CLYBL: variants seen among roughly 807,000 people sequenced by gnomAD.
CLYBL encodes citramalyl-CoA lyase.
In CLYBL, 31 loss-of-function variants were observed where a neutral mutation model predicts 38.9. That is an observed-to-expected ratio of 0.80 (90% CI 0.60 to 1.08). The LOEUF (loss-of-function observed/expected upper bound fraction) is 1.08, where lower values mean the gene tolerates loss of function less well. Ranked by LOEUF, CLYBL falls within the 50% of genes least tolerant of loss-of-function variation. The probability of loss-of-function intolerance (pLI) is 0.00; values close to 1 mark genes in which losing one functional copy is unlikely to be tolerated. For synonymous variants in CLYBL, 171 were observed against 158.6 expected (o/e 1.08, Z -0.59); for missense variants, 434 against 411.6 (o/e 1.05, Z -0.47).
chr13:99,621,371 A>G (rs1176765459), intron 1 of CLYBL, among the ~76,000 whole-genome samples: 1 of 151,870 alleles, frequency 6.6e-6, no homozygotes, highest in Admixed American at 6.6e-5. Context: ...CATCAGTGCC[A>G]CTTCCTCCTG....
intron 1 of CLYBL, among the ~76,000 whole-genome samples, chr13:99,656,995 T>G (rs1308568322): frequency 6.6e-6 from 1 of 152,192 alleles, no homozygotes; most frequent in African/African-American, 2.4e-5. Context: ...AAATGAAAAT[T>G]AATTTCTATA....
chr13:99,837,429 G>A (rs2050964644), intron 2 of CLYBL, among the ~76,000 whole-genome samples: 2 of 152,154 alleles, frequency 1.3e-5, no homozygotes, highest in African/African-American at 4.8e-5. Flanking sequence ...TCCAGCCTGG[G>A]TGACAGAGCG....
chr13:99,615,465 A>AT (rs1177126855), intron 1 of CLYBL, among the ~76,000 whole-genome samples: 6 of 152,266 alleles, frequency 3.9e-5, no homozygotes, highest in East Asian at 3.9e-4. Flanking sequence ...TAAAAACAAC[A>AT]TTTTTTTCTA....
intron 1 of CLYBL, among the ~76,000 whole-genome samples, chr13:99,731,652 A>G (rs2048593246): frequency 6.6e-6 from 1 of 152,180 alleles, no homozygotes; most frequent in Non-Finnish European, 1.5e-5. Context: ...CAGAGTAGAC[A>G]GAGGCGGAGG....
intron 1 of CLYBL, among the ~76,000 whole-genome samples, chr13:99,729,860 G>A (rs527957108): frequency 0.015 from 2,295 of 148,856 alleles, 23 homozygotes; most frequent in Non-Finnish European, 0.025. Flanking sequence ...CCTTCCCCCC[G>A]CCAGCCTCGG....
chr13:99,677,289 T>A (rs1040452027), intron 1 of CLYBL, among the ~76,000 whole-genome samples: 1 of 150,822 alleles, frequency 6.6e-6, no homozygotes, highest in Admixed American at 6.6e-5. Context: ...CTCTCCAAGA[T>A]AAAGATGCCA....
At chr13:99,775,994 T>C (rs1405093642) in intron 2 of CLYBL, among the ~76,000 whole-genome samples, 1 of 151,376 alleles carries the variant, frequency 6.6e-6, no homozygotes, top group Non-Finnish European at 1.5e-5. Flanking sequence ...AAACCCCATC[T>C]CTACTAAAAA....
intron 2 of CLYBL, among the ~76,000 whole-genome samples, chr13:99,850,350 A>C (rs1053264906): frequency 6.6e-6 from 1 of 152,226 alleles, no homozygotes; most frequent in African/African-American, 2.4e-5. Context: ...TGGGCAAGGG[A>C]CTTGAATAGA....
intron 1 of CLYBL, among the ~76,000 whole-genome samples, chr13:99,674,461 G>T (rs9585177): frequency 6.6e-6 from 1 of 151,970 alleles, no homozygotes; most frequent in African/African-American, 2.4e-5. Flanking sequence ...ATAGCTACTA[G>T]AATTCTAAGT....
At chr13:99,774,695 T>G (rs1273938735) in intron 2 of CLYBL, among the ~76,000 whole-genome samples, 1 of 152,238 alleles carries the variant, frequency 6.6e-6, no homozygotes, top group Non-Finnish European at 1.5e-5. Context: ...ATCTTCCTAA[T>G]GGTCAAACTA....
At chr13:99,854,031 C>T (rs142126532) in intron 2 of CLYBL, among the ~76,000 whole-genome samples, 47 of 152,186 alleles carry the variant, frequency 3.1e-4, no homozygotes, top group South Asian at 6.3e-4. Context: ...TTTTTGAATA[C>T]GTGGCATGGC....
chr13:99,711,567 C>A (rs1446991878), intron 1 of CLYBL, among the ~76,000 whole-genome samples: 1 of 151,582 alleles, frequency 6.6e-6, no homozygotes, highest in African/African-American at 2.4e-5. Flanking sequence ...CCACCACGCC[C>A]GGCTAATTTT....
chr13:99,806,951 A>G (rs559042327), intron 2 of CLYBL, among the ~76,000 whole-genome samples: 3 of 152,344 alleles, frequency 2.0e-5, no homozygotes, highest in African/African-American at 7.2e-5. Flanking sequence ...TTCTCGTGTT[A>G]TGTGGACGGA....
At chr13:99,679,365 A>G (rs2047700464) in intron 1 of CLYBL, among the ~76,000 whole-genome samples, 1 of 152,166 alleles carries the variant, frequency 6.6e-6, no homozygotes, top group Admixed American at 6.5e-5. Context: ...TAAGCTAATT[A>G]AATTCTGCCC....
intron 7 of CLYBL, among the ~76,000 whole-genome samples, chr13:99,881,812 A>G (rs1009983137): frequency 2.0e-5 from 3 of 152,214 alleles, no homozygotes; most frequent in Non-Finnish European, 2.9e-5. Flanking sequence ...ACTGCCTTCA[A>G]TCCTCCTAAC....
At chr13:99,710,683 C>G (rs941865530) in intron 1 of CLYBL, among the ~76,000 whole-genome samples, 44 of 152,162 alleles carry the variant, frequency 2.9e-4, no homozygotes, top group African/African-American at 1.0e-3. Flanking sequence ...TCTTCCCTGT[C>G]CTCGGGGAAT....
At chr13:99,810,344 C>T (rs1010344534) in intron 2 of CLYBL, among the ~76,000 whole-genome samples, 1 of 152,090 alleles carries the variant, frequency 6.6e-6, no homozygotes, top group South Asian at 2.1e-4. Context: ...AGAGGGAATC[C>T]CTGTGGAAAT....
intron 2 of CLYBL, among the ~76,000 whole-genome samples, chr13:99,808,767 AT>A (rs1267251127): frequency 6.6e-6 from 1 of 152,240 alleles, no homozygotes; most frequent in East Asian, 1.9e-4. Flanking sequence ...TGAATTGGTA[AT>A]TTTAATGAAT....
intron 1 of CLYBL, among the ~76,000 whole-genome samples, chr13:99,763,597 C>G (rs1266822908): frequency 6.9e-6 from 1 of 145,914 alleles, no homozygotes; most frequent in African/African-American, 2.6e-5. Context: ...TCTTGTTGCC[C>G]AGGCTGTAGT....
Sources: allele counts gnomAD v4.1 joint callset (sites outside exome capture counted in the v4.1 genomes callset), GRCh38; gene constraint gnomAD v4.1.1; transcripts MANE v1.5; gene names NCBI Gene and HGNC (gene_info 2026-07-23, HGNC 2026-07-21).